NANS: variants seen among roughly 807,000 people sequenced by gnomAD.
NANS encodes N-acetylneuraminate-9-phosphate synthase.
In NANS, 29 loss-of-function variants were observed where a neutral mutation model predicts 33.3. The observed-to-expected ratio is 0.87, with a 90% CI of 0.65 to 1.19. The LOEUF (loss-of-function observed/expected upper bound fraction) is 1.19. NANS is among the 50% of genes most tolerant of loss of function. NANS has a pLI of 0.00. For missense variants in NANS, 394 were observed against 461.1 expected (o/e 0.85, Z 1.33); for synonymous variants, 163 against 177.2 (o/e 0.92, Z 0.64).
intron 4 of NANS, 71 bp from the exon 5 acceptor site, chr9:98,080,745 T>C (rs1829815434): frequency 1.3e-6 from 2 of 1,501,390 alleles, no homozygotes; most frequent in Non-Finnish European, 1.8e-6. Flanking sequence ...CTCAACCAGA[T>C]ACGCTTCACC....
chr9:98,081,322 G>A, intron 5 of NANS: 1 of 567,376 alleles, frequency 1.8e-6, no homozygotes, highest in Non-Finnish European at 3.1e-6. Context: ...GCCACCTAGG[G>A]TCACATTAGA....
intron 5 of NANS, chr9:98,081,587 C>T (rs1271504921): frequency 6.5e-6 from 1 of 154,828 alleles, no homozygotes; most frequent in Non-Finnish European, 1.4e-5. Flanking sequence ...CCTTGTGCAA[C>T]AGTGACCTTC....
At chr9:98,076,013 A>G (rs1018160402) in intron 2 of NANS, 1 of 152,098 alleles carries the variant, frequency 6.6e-6, no homozygotes, top group African/African-American at 2.4e-5. Context: ...GATGTTGAAG[A>G]GCACTAAATA....
intron 2 of NANS, among the ~76,000 whole-genome samples, chr9:98,070,484 G>A (rs752900050): frequency 7.2e-5 from 11 of 151,918 alleles, no homozygotes; most frequent in South Asian, 4.2e-4. Context: ...GCAATGGCGT[G>A]ATCTTGGCTC....
intron 2 of NANS, among the ~76,000 whole-genome samples, chr9:98,072,444 C>T (rs962945172): frequency 4.4e-4 from 67 of 150,848 alleles, no homozygotes; most frequent in African/African-American, 1.5e-3. Context: ...CGGAGTCTCG[C>T]TGTGTCGCCC....
At chr9:98,072,882 C>T (rs1187465498) in intron 2 of NANS, among the ~76,000 whole-genome samples, 6 of 152,162 alleles carry the variant, frequency 3.9e-5, no homozygotes, top group Admixed American at 2.6e-4. Context: ...ATTTTCTCCA[C>T]ACTGTATGCT....
At chr9:98,081,215 G>A (rs776696635) in intron 5 of NANS, 133 bp downstream of exon 5, 78 of 1,222,616 alleles carry the variant, frequency 6.4e-5, no homozygotes, top group South Asian at 2.7e-4. Context: ...GCTCCCACCC[G>A]TGTCAGCTTC....
chr9:98,061,270 A>C, intron 2 of NANS: 1 of 396,272 alleles, frequency 2.5e-6, no homozygotes, highest in South Asian at 2.9e-5. Context: ...TGAGGTCAGG[A>C]GTTCGAGACC....
At chr9:98,075,976 G>A (rs1187994648) in intron 2 of NANS, 2 of 152,090 alleles carry the variant, frequency 1.3e-5, no homozygotes, top group African/African-American at 4.8e-5. Context: ...CCAATTTCCT[G>A]AGTCTTGTTG....
intron 4 of NANS, 118 bp downstream of exon 4, chr9:98,078,465 C>T: frequency 2.3e-6 from 3 of 1,294,012 alleles, no homozygotes; most frequent in Non-Finnish European, 3.2e-6. Flanking sequence ...CATCCTTTGA[C>T]AGTCTTGCTG....
In NANS at chr9:98,078,198, C is replaced by G. The variant is rs143911839; in HGVS notation, c.454C>G (p.Pro152Ala). ...GTTGGTGCTGGATTACTCAGGTCGCCCAATGGTGATCTCCAGTGGGATGCA... is the reference window on the plus strand; with the variant it reads ...GTTGGTGCTGGATTACTCAGGTCGCGCAATGGTGATCTCCAGTGGGATGCA... ...YLEKTAKKGR[P>A]MVISSGMQSM... The change falls in exon 4 of 6, where the codon CCA becomes GCA. Residue 152 changes from proline (P) to alanine (A), a missense_variant. Pro to Ala is a conservative substitution (Grantham distance 27). Transcript: ENST00000210444. 1.9e-6 allele frequency: 3 copies of G among 1,614,120 alleles called. No individual in the cohort carries two copies. The Admixed American group carries it at 5.0e-5, about 27-fold the overall frequency.
rs116097112 is a variant in NANS at position 98,078,379 on chromosome 9, G to A, written c.603+32G>A. ...AGGAGGGAGGGGGTTCCCTTCTTGG[G>A]CCATTTACTATGGGGAAGGCGTAGT... On this transcript the variant is annotated intron_variant, in intron 4 of 5. Coordinates refer to ENST00000210444, the MANE Select transcript of NANS (RefSeq NM_018946.4). 8.3e-4 allele frequency: 1,337 copies of A among 1,604,124 alleles called. 6 individuals are homozygous for A. The African/African-American group carries it at 0.015, about 18-fold the overall frequency.
At position 98,082,311 on chromosome 9, in the gene NANS, G is replaced by C. The variant is rs1428228241; in HGVS notation, c.871-535G>C. On this transcript the variant is annotated intron_variant, in intron 5 of 5. Coordinates refer to ENST00000210444, the MANE Select transcript of NANS (RefSeq NM_018946.4). ...GTGTGCCCTGGAGAACGGTGTGTCA[G>C]GAGTTAAGAATCTCATCCCTATGTT... The C allele has an allele frequency of 2.0e-5, 3 of 152,816 alleles. No homozygotes were observed. The East Asian group carries it at 5.8e-4, about 29-fold the overall frequency. 9.5% of individuals were successfully genotyped at this position (152,816 alleles called of 1,614,324 possible).
chr9:98,079,447 T>C (rs1483108797), intron 4 of NANS, among the ~76,000 whole-genome samples: 1 of 141,572 alleles, frequency 7.1e-6, no homozygotes, highest in Non-Finnish European at 1.5e-5. Context: ...ATAAGCTTTC[T>C]TACATGTTGT....
At chr9:98,061,737 G>A (rs576872352) in intron 2 of NANS, among the ~76,000 whole-genome samples, 100 of 149,070 alleles carry the variant, frequency 6.7e-4, no homozygotes, top group Admixed American at 1.2e-3. Context: ...CCGAGATCGC[G>A]CCACTGCACT....
In NANS at chr9:98,078,047, T is replaced by A. The variant is rs1011321092; in HGVS notation, c.449-146T>A. The A allele has an allele frequency of 1.2e-5, 15 of 1,222,332 alleles. No homozygotes were observed. In the African/African-American group the frequency reaches 2.3e-4, roughly 19 times the overall value. The allele number at this position is 1,222,332 out of a possible 1,614,324, so 75.7% of individuals were successfully genotyped here. On this transcript the variant is annotated intron_variant, in intron 3 of 5. Coordinates refer to ENST00000210444, the MANE Select transcript of NANS (RefSeq NM_018946.4). ...AGGGCAGGAACCCAACAAGCTCCTC[T>A]CTGTTCCCCCACAGGGGCTGGCACA...
At chr9:98,058,231 G>A (rs553767364) in intron 1 of NANS, among the ~76,000 whole-genome samples, 26 of 152,082 alleles carry the variant, frequency 1.7e-4, no homozygotes, top group African/African-American at 6.3e-4. Context: ...CTGTTCCTTC[G>A]GGACTGGTTT....
At chr9:98,082,541 A>C (rs1365039386) in intron 5 of NANS, among the ~76,000 whole-genome samples, 2 of 152,242 alleles carry the variant, frequency 1.3e-5, no homozygotes, top group East Asian at 3.8e-4. Flanking sequence ...TTTCCATTTG[A>C]CAGAGAAACT....
At position 98,056,954 on chromosome 9, in the gene NANS, T is replaced by TC. The variant is rs760068312; in HGVS notation, c.132+17dup. The TC allele has an allele frequency of 1.9e-6, 3 of 1,566,020 alleles. No individual in the cohort carries two copies. In the East Asian group the frequency reaches 7.3e-5, roughly 38 times the overall value. ...CGCATGGCCAAGGTGAGGCGGCAGC[T>TC]CCCGGGACCCGGGATTCGGGCGCCG... On this transcript the variant is annotated intron_variant, in intron 1 of 5. Coordinates refer to ENST00000210444, the MANE Select transcript of NANS (RefSeq NM_018946.4).
Sources: gnomAD v4.1 joint callset for allele counts (sites outside exome capture counted in the v4.1 genomes callset) on GRCh38, gnomAD v4.1.1 for gene constraint, MANE v1.5 for transcripts, NCBI Gene and HGNC (gene_info 2026-07-23, HGNC 2026-07-21) for gene names.